The following FAM135B variants were observed in gnomAD, a reference collection of about 807,000 sequenced individuals.
FAM135B encodes protein FAM135B.
A neutral mutation model predicts 127.7 loss-of-function variants in FAM135B; 43 were observed. The observed-to-expected ratio is 0.34, with a 90% CI of 0.26 to 0.43. The LOEUF (loss-of-function observed/expected upper bound fraction) is 0.43. FAM135B is among the 20% of genes least tolerant of loss of function. FAM135B has a pLI of 1.00. For synonymous variants in FAM135B, 670 were observed against 665.1 expected, an observed-to-expected ratio of 1.01 and a Z score of -0.11; for missense variants, 1,558 against 1,725.6, an observed-to-expected ratio of 0.90 and a Z score of 1.72.
chr8:138,166,052 G>A (rs78368686), intron 12 of FAM135B, among the ~76,000 whole-genome samples: 1 of 152,158 alleles, frequency 6.6e-6, no homozygotes, highest in Non-Finnish European at 1.5e-5. Flanking sequence ...CACAGACAGC[G>A]AGGCAGAGCA....
chr8:138,475,399 C>T (rs1372846879), intron 1 of FAM135B, among the ~76,000 whole-genome samples: 2 of 152,160 alleles, frequency 1.3e-5, no homozygotes, highest in African/African-American at 2.4e-5. Context: ...ACCCAGACGT[C>T]GCCCAAAGCC....
intron 3 of FAM135B, among the ~76,000 whole-genome samples, chr8:138,300,133 A>G (rs886659933): frequency 5.9e-5 from 9 of 152,018 alleles, no homozygotes; most frequent in Non-Finnish European, 1.2e-4. Context: ...AAAGGGCTCT[A>G]AGGGATCCAG....
At chr8:138,167,215 G>A (rs1820015950) in intron 12 of FAM135B, among the ~76,000 whole-genome samples, 1 of 152,040 alleles carries the variant, frequency 6.6e-6, no homozygotes, top group Non-Finnish European at 1.5e-5. Context: ...TATTTTGAGG[G>A]GATGGAGTCT....
intron 2 of FAM135B, among the ~76,000 whole-genome samples, chr8:138,337,045 C>T (rs1828651327): frequency 6.6e-6 from 1 of 152,058 alleles, no homozygotes; most frequent in Non-Finnish European, 1.5e-5. Flanking sequence ...AGGCCTTTGA[C>T]AAAATTCAAC....
intron 6 of FAM135B, among the ~76,000 whole-genome samples, chr8:138,248,964 T>G (rs976082545): frequency 6.6e-6 from 1 of 152,166 alleles, no homozygotes; most frequent in African/African-American, 2.4e-5. Flanking sequence ...TAGGGCTAGA[T>G]GATAAGATGG....
chr8:138,161,431 C>A (rs1819380188), intron 12 of FAM135B, among the ~76,000 whole-genome samples: 2 of 152,136 alleles, frequency 1.3e-5, no homozygotes, highest in Admixed American at 1.3e-4. Flanking sequence ...CCTCTCATGT[C>A]TGTCTGTATC....
At chr8:138,195,417 C>A in intron 8 of FAM135B, 110 bp from the exon 9 acceptor site, 2 of 1,000,804 alleles carry the variant, frequency 2.0e-6, no homozygotes, top group Non-Finnish European at 3.1e-6. Flanking sequence ...GTCACAGAGA[C>A]AAACACATTG....
intron 5 of FAM135B, among the ~76,000 whole-genome samples, chr8:138,251,927 G>A (rs577557309): frequency 3.9e-5 from 6 of 152,292 alleles, no homozygotes; most frequent in African/African-American, 1.4e-4. Context: ...AGGAAATGAA[G>A]CACAGAAAGG....
intron 7 of FAM135B, among the ~76,000 whole-genome samples, chr8:138,237,457 A>C (rs1305987391): frequency 1.3e-5 from 2 of 152,116 alleles, no homozygotes; most frequent in East Asian, 1.9e-4. Flanking sequence ...CACAGTGCCC[A>C]GCCTGAATCC....
intron 8 of FAM135B, among the ~76,000 whole-genome samples, chr8:138,197,103 GTGTGTGTGTGTGTGTATA>G (rs753966603): frequency 0.082 from 4,351 of 53,284 alleles, 72 homozygotes; most frequent in Non-Finnish European, 0.11. Context: ...GTGTGTGTGT[GTGTGTGTGTGTGTGTATA>G]TATATAGTTT....
At chr8:138,365,809 C>G (rs184823704) in intron 2 of FAM135B, among the ~76,000 whole-genome samples, 102 of 152,272 alleles carry the variant, frequency 6.7e-4, no homozygotes, top group Admixed American at 3.2e-3. Context: ...CAGTTGCACA[C>G]TGCAGTATTT....
chr8:138,381,642 T>C (rs1587298784), intron 1 of FAM135B, among the ~76,000 whole-genome samples: 4 of 152,208 alleles, frequency 2.6e-5, no homozygotes, highest in African/African-American at 4.8e-5. Context: ...CAAGAGAAAA[T>C]GCACATATGA....
At chr8:138,371,320 A>G (rs1831101576) in intron 1 of FAM135B, among the ~76,000 whole-genome samples, 1 of 152,156 alleles carries the variant, frequency 6.6e-6, no homozygotes, top group Non-Finnish European at 1.5e-5. Context: ...TAGACCCATG[A>G]CACATACCTA....
chr8:138,331,962 G>A (rs927362908), intron 2 of FAM135B, among the ~76,000 whole-genome samples: 35 of 152,042 alleles, frequency 2.3e-4, no homozygotes, highest in African/African-American at 8.2e-4. Flanking sequence ...GTGACCTTAG[G>A]CAAGTCAGTT....
At chr8:138,191,819 A>G (rs1816154371) in intron 9 of FAM135B, among the ~76,000 whole-genome samples, 1 of 152,204 alleles carries the variant, frequency 6.6e-6, no homozygotes, top group Non-Finnish European at 1.5e-5. Flanking sequence ...ACCACAAAAA[A>G]TGACAAGCCA....
At chr8:138,184,502 T>A (rs1453655459) in intron 9 of FAM135B, among the ~76,000 whole-genome samples, 1 of 152,112 alleles carries the variant, frequency 6.6e-6, no homozygotes, top group Non-Finnish European at 1.5e-5. Context: ...GAAGTCCCTG[T>A]GAAGAGTGAT....
At chr8:138,208,034 T>C (rs1411835322) in intron 7 of FAM135B, among the ~76,000 whole-genome samples, 2 of 152,198 alleles carry the variant, frequency 1.3e-5, no homozygotes, top group Non-Finnish European at 2.9e-5. Flanking sequence ...TGTTTTTCAG[T>C]GCTGCTTCAC....
At chr8:138,408,357 G>T (rs1833656200) in intron 1 of FAM135B, among the ~76,000 whole-genome samples, 1 of 152,122 alleles carries the variant, frequency 6.6e-6, no homozygotes, top group African/African-American at 2.4e-5. Flanking sequence ...ATCAGTACTT[G>T]TTCCTTCACC....
chr8:138,325,563 AAT>A (rs1036100427), intron 2 of FAM135B, among the ~76,000 whole-genome samples: 1 of 151,992 alleles, frequency 6.6e-6, no homozygotes, highest in Non-Finnish European at 1.5e-5. Flanking sequence ...GCCTTCAGGA[AAT>A]ATATATATAT....
Sources: allele counts gnomAD v4.1 joint callset (sites outside exome capture counted in the v4.1 genomes callset), GRCh38; gene constraint gnomAD v4.1.1; transcripts MANE v1.5; gene names NCBI Gene and HGNC (gene_info 2026-07-23, HGNC 2026-07-21).